Variants in PIDD1 observed in about 807,000 individuals in gnomAD.
PIDD1 encodes p53-induced death domain-containing protein 1.
Under a neutral mutation model 80.0 loss-of-function variants are expected in PIDD1, and 72 were observed. The observed-to-expected ratio is 0.90, with a 90% CI of 0.74 to 1.09. The LOEUF is 1.09. Ranked by LOEUF, PIDD1 falls within the 50% of genes least tolerant of loss-of-function variation. PIDD1 has a pLI of 0.00. For missense variants in PIDD1, 1,329 were observed against 1,228.3 expected (o/e 1.08, Z -1.23); for synonymous variants, 655 against 543.5 (o/e 1.21, Z -2.85).
chr11:803,991 G>A (rs925023833), intron 2 of PIDD1, 103 bp downstream of exon 2: 11 of 1,309,596 alleles, frequency 8.4e-6, no homozygotes, highest in Admixed American at 7.7e-5. Context: ...CGGGAGGGGC[G>A]GCCTGGAGCT....
chr11:801,019 G>A lies in PIDD1; in HGVS notation c.1732C>T (p.Leu578=). The A allele has an allele frequency of 6.2e-7, 1 of 1,603,198 alleles. No homozygotes were observed. Among genetic ancestry groups the A allele is most frequent in the Non-Finnish European group, 8.5e-7 (1 of 1,175,548 alleles). The change falls in exon 10 of 16, where the codon CTG becomes TTG. Residue 578 remains leucine, a synonymous_variant. Coordinates refer to ENST00000347755, the MANE Select transcript of PIDD1 (RefSeq NM_145886.4). ...TAQVVLELTH[L]YARFQVTHFS... ...TGTGTGACCTGGAAGCGTGCGTACAGGTGGGTGAGCTCCAGGACCACCTGA... is the reference window on the plus strand; with the variant it reads ...TGTGTGACCTGGAAGCGTGCGTACAAGTGGGTGAGCTCCAGGACCACCTGA...
upstream of PIDD1, chr11:805,553 C>A: frequency 1.1e-6 from 1 of 933,818 alleles, no homozygotes; most frequent in Non-Finnish European, 1.3e-6. Context: ...GAGGCAGACC[C>A]GGCCCCAGGT....
rs2133773378 is a variant in PIDD1, at chr11:801,259, T to C, written c.1589A>G (p.Gln530Arg). 1 of 1,571,958 alleles carries C rather than the reference T, an allele frequency of 6.4e-7. No homozygotes were observed. The highest frequency in any genetic ancestry group is 1.4e-5 in the African/African-American group (1 of 74,008). ...CAGAGGCAGCTGCACGGTGACCGGTTGGAGGAAGCTGGGGGGACCGCTCTG... is the reference window on the plus strand; with the variant it reads ...CAGAGGCAGCTGCACGGTGACCGGTCGGAGGAAGCTGGGGGGACCGCTCTG... ...LSQSGPPSFL[Q>R]PVTVQLPLPS... The change falls in exon 9 of 16, where the codon CAA (glutamine) becomes CGA (arginine). Residue 530 changes from glutamine (Q) to arginine (R), a missense_variant. Physicochemically the swap from Gln to Arg is conservative, Grantham distance 43 (BLOSUM62 1). Coordinates refer to ENST00000347755, the MANE Select transcript of PIDD1 (RefSeq NM_145886.4).
rs1369425943 is a variant in PIDD1 at position 803,499 on chromosome 11, G to A, written c.384C>T (p.Ala128=). ...GGCTGTTGAAGCTCAGGTCCAGGTG[G>A]GCCAGATGGGCCAGGCCACTCAGAC... is the stretch of plus-strand genomic sequence containing the variant. ...PAGLSGLAHL[A]HLDLSFNSLE... is the part of the protein sequence containing the mutation. Residue 128 remains alanine (A), a synonymous_variant, in exon 3 of 16, where the codon GCC becomes GCT. Coordinates refer to ENST00000347755, the MANE Select transcript of PIDD1 (RefSeq NM_145886.4). The A allele has an allele frequency of 5.6e-6, 9 of 1,613,366 alleles. No individual in the cohort carries two copies. The highest frequency in any genetic ancestry group is 7.6e-6 in the Non-Finnish European group (9 of 1,179,994).
At position 799,269 on chromosome 11, in the gene PIDD1, C is replaced by A; in HGVS notation, c.*38G>T. The A allele has an allele frequency of 1.3e-6, 2 of 1,534,216 alleles. No individual in the cohort carries two copies. Among genetic ancestry groups the A allele is most frequent in the Non-Finnish European group, 1.8e-6 (2 of 1,142,534 alleles). On this transcript the variant is annotated 3_prime_UTR_variant, in exon 16 of 16. Transcript: ENST00000347755. ...TGAAGGTGGGGGCTCTGCCCATCCACTGGGGAATATCTGGGCCAGCCTAAA... is the reference window on the plus strand; with the variant it reads ...TGAAGGTGGGGGCTCTGCCCATCCAATGGGGAATATCTGGGCCAGCCTAAA...
intron 2 of PIDD1, 156 bp from the exon 3 acceptor site, chr11:803,743 G>A (rs1354415296): frequency 2.3e-6 from 2 of 853,738 alleles, no homozygotes; most frequent in East Asian, 2.7e-5. Context: ...ACACTGGAGA[G>A]GTGCCCGCAA....
At chr11:804,870 GACTGCGCCCCGA>G (rs1375557978) in intron 1 of PIDD1, 1 of 155,856 alleles carries the variant, frequency 6.4e-6, no homozygotes, top group Non-Finnish European at 1.4e-5. Flanking sequence ...CCGCGGGGGT[GACTGCGCCCCGA>G]AAGTCAGGGA....
upstream of PIDD1, among the ~76,000 whole-genome samples, chr11:807,510 G>C (rs1354974644): frequency 6.6e-6 from 1 of 151,386 alleles, no homozygotes; most frequent in African/African-American, 2.4e-5. Flanking sequence ...GGGCGTGGTG[G>C]CTCACGCCTC....
rs1372099764 is a variant in PIDD1, at chr11:801,275, G to GA, written c.1572dup (p.Pro525SerfsTer42). On this transcript the variant is annotated frameshift_variant, in exon 9 of 16. Transcript: ENST00000347755. LOFTEE classifies it high-confidence loss of function. ...GTGACCGGTTGGAGGAAGCTGGGGG[G>GA]ACCGCTCTGTGACAGGCACAGCAGG... is the stretch of plus-strand genomic sequence containing the variant. The GA allele has an allele frequency of 1.3e-6, 2 of 1,583,988 alleles. No homozygotes were observed. Among genetic ancestry groups the GA allele is most frequent in the East Asian group, 4.5e-5 (2 of 44,594 alleles).
At position 800,610 on chromosome 11, in the gene PIDD1, G is replaced by T. The variant is rs140640515; in HGVS notation, c.1974C>A (p.Asp658Glu). The T allele has an allele frequency of 2.0e-3, 3,142 of 1,600,980 alleles. 3 individuals are homozygous for T. Among genetic ancestry groups the T allele is most frequent in the Non-Finnish European group, 2.5e-3 (3,001 of 1,177,508 alleles). The change falls in exon 12 of 16, where the codon GAC becomes GAA. Residue 658 changes from aspartate to glutamate, a missense_variant. Physicochemically the swap from Asp to Glu is conservative, Grantham distance 45 (BLOSUM62 2). Transcript: ENST00000347755. The stretch of plus-strand genomic sequence containing the variant: ...CTTCGCCCTCGAACATCTCCACCGT[G>T]TCAGAGGGCTCGGGGCCCCGGTACC... ...LERYRGPEPS[D>E]TVEMFEGEEF... is the part of the protein sequence containing the mutation.
chr11:805,292 G>GC (rs1865709249), upstream of PIDD1: 1 of 893,418 alleles, frequency 1.1e-6, no homozygotes, highest in Non-Finnish European at 1.3e-6. Context: ...CTTGGGCCCC[G>GC]CCCCCTCGGG....
upstream of PIDD1, among the ~76,000 whole-genome samples, chr11:806,983 G>A (rs941102825): frequency 5.3e-5 from 8 of 152,332 alleles, no homozygotes; most frequent in East Asian, 1.5e-3. Flanking sequence ...CTTGAGGTCA[G>A]GAGTTCAAGC....
upstream of PIDD1, among the ~76,000 whole-genome samples, chr11:806,929 C>T (rs1029871945): frequency 9.9e-5 from 15 of 152,162 alleles, no homozygotes; most frequent in Admixed American, 2.0e-4. Context: ...CTGTGGCTTA[C>T]GCCAGTAATC....
At chr11:805,357 C>A, upstream of PIDD1, 1 of 436,502 alleles carries the variant, frequency 2.3e-6, no homozygotes, top group Non-Finnish European at 3.1e-6. Context: ...GGCTCCTCCC[C>A]GACCCGCCTT....
Position 799,205 on chromosome 11 carries a change from G to T in PIDD1, c.*102C>A. ...GAGGTGAAAGAAACAGTGCAGTTTT[G>T]TTGCTCACAGGGACCCGTCCCCACA... On this transcript the variant is annotated 3_prime_UTR_variant, in exon 16 of 16. Transcript: ENST00000347755. 1 of 1,193,804 alleles carries T rather than the reference G, an allele frequency of 8.4e-7. No individual in the cohort carries two copies. The highest frequency in any genetic ancestry group is 1.1e-6 in the Non-Finnish European group (1 of 876,164). The allele number at this position is 1,193,804 out of a possible 1,614,324, so 74.0% of individuals were successfully genotyped here.
rs112432074 is a variant in PIDD1 at position 800,661 on chromosome 11, G to C, written c.1923C>G (p.Asp641Glu). 6.3e-7 allele frequency: 1 copy of C among 1,582,618 alleles called. No individual in the cohort carries two copies. The highest frequency in any genetic ancestry group is 1.3e-5 in the African/African-American group (1 of 74,460). Reference sequence around the variant, plus strand: ...GCTCCAGCAGCCGCCGAAGGGTGGCGTCCACCTGCGGGGAAGCCCGTGCAG... The same window carrying C: ...GCTCCAGCAGCCGCCGAAGGGTGGCCTCCACCTGCGGGGAAGCCCGTGCAG... ...LLQCLPRNKV[D>E]ATLRRLLERY... Residue 641 changes from aspartate (D) to glutamate (E), a missense_variant, in exon 12 of 16, where the codon GAC becomes GAG. Transcript: ENST00000347755.
rs745948647 is a variant in PIDD1, at chr11:802,692, C to T, written c.909G>A (p.Pro303=). 3.4e-5 allele frequency: 54 copies of T among 1,610,114 alleles called. No individual in the cohort carries two copies. The highest frequency in any genetic ancestry group is 4.4e-5 in the South Asian group (4 of 90,516). ...TAGCACCAAGCCTACCTGGTGAACTCGGGGCGTCTGGCGAGGCCTCACCCA... is the reference window on the plus strand; with the variant it reads ...TAGCACCAAGCCTACCTGGTGAACTTGGGGCGTCTGGCGAGGCCTCACCCA... ...NPLGEASPDA[P]SSPVAALIPE... The change falls in exon 4 of 16, where the codon CCG becomes CCA. Residue 303 remains proline (P), a synonymous_variant. Coordinates refer to ENST00000347755, the MANE Select transcript of PIDD1 (RefSeq NM_145886.4).
At chr11:805,144 C>G (rs1865695192) in intron 1 of PIDD1, 35 bp downstream of exon 1, 1 of 946,100 alleles carries the variant, frequency 1.1e-6, no homozygotes, top group Non-Finnish European at 1.3e-6. Flanking sequence ...AACGTGTCCC[C>G]GCCGCCCCCT....
upstream of PIDD1, among the ~76,000 whole-genome samples, chr11:806,628 G>T (rs1014208585): frequency 2.6e-5 from 4 of 151,558 alleles, no homozygotes; most frequent in Non-Finnish European, 4.4e-5. Context: ...TGTCCCAGAG[G>T]CTGGAGTGCA....
Sources: gnomAD v4.1 joint callset for allele counts (sites outside exome capture counted in the v4.1 genomes callset) on GRCh38, gnomAD v4.1.1 for gene constraint, MANE v1.5 for transcripts, NCBI Gene and HGNC (gene_info 2026-07-23, HGNC 2026-07-21) for gene names.